Variants in PRMT2 observed in about 807,000 individuals in gnomAD.
The protein encoded by PRMT2 is protein arginine methyltransferase 2, also known as protein arginine N-methyltransferase 2.
In PRMT2, 26 loss-of-function variants were observed where a neutral mutation model predicts 57.6. The ratio of observed to expected loss-of-function variants is 0.45; its 90% CI spans 0.33 to 0.63. The LOEUF (loss-of-function observed/expected upper bound fraction) is 0.63, where lower values mean the gene tolerates loss of function less well. Ranked by LOEUF, PRMT2 falls within the 20% of genes least tolerant of loss-of-function variation. The pLI is 0.02. For synonymous variants in PRMT2, 219 were observed against 220.0 expected (o/e 1.00, Z 0.04); for missense variants, 472 against 564.4 (o/e 0.84, Z 1.66).
At chr21:46,658,450 G>A (rs1328280069) in intron 7 of PRMT2, 6 of 299,814 alleles carry the variant, frequency 2.0e-5, no homozygotes, top group Admixed American at 1.0e-4. Context: ...GAGCTCTTCC[G>A]TGACTGAGAT....
In PRMT2 at chr21:46,663,289, G is replaced by T. The variant is rs912224958; in HGVS notation, c.1098-94G>T. The stretch of plus-strand genomic sequence containing the variant: ...GCCGGCTGTGTGGGTGCTGTTGGGG[G>T]CGAGAGCCAGTGCGAGCCTGAGTCA... On this transcript the variant is annotated intron_variant, in intron 10 of 11. Coordinates refer to ENST00000355680, the MANE Select transcript of PRMT2 (RefSeq NM_206962.4). 1.0e-5 allele frequency: 13 copies of T among 1,291,044 alleles called. No homozygotes were observed. In the African/African-American group the frequency reaches 1.9e-4, roughly 19 times the overall value. 80.0% of individuals were successfully genotyped at this position (1,291,044 alleles called of 1,614,324 possible). A position where few individuals can be genotyped will look rare whatever the true frequency, so the allele number is the denominator to read the frequency against.
chr21:46,647,641 A>C (rs1339351105), intron 5 of PRMT2, among the ~76,000 whole-genome samples: 1 of 152,242 alleles, frequency 6.6e-6, no homozygotes, highest in Non-Finnish European at 1.5e-5. Context: ...CTGGGATTAC[A>C]GGGGTGAGGC....
chr21:46,652,198 ATATT>A (rs2061470161), intron 7 of PRMT2: 4 of 1,386,706 alleles, frequency 2.9e-6, no homozygotes, highest in Non-Finnish European at 3.7e-6. Context: ...CAAGAGTTAA[ATATT>A]TAAGAAAAGG....
Position 46,664,638 on chromosome 21 carries a change from GCTAGGT to G in PRMT2, c.*321_*326del. ...CTGGGTCGGAGCTCCATGTTCCTAA[GCTAGGT>G]CTAGGTCTACACTCCTAGGACGCAC... On this transcript the variant is annotated 3_prime_UTR_variant, in exon 12 of 12. Transcript: ENST00000355680. 1 of 476,206 alleles carries G rather than the reference GCTAGGT, an allele frequency of 2.1e-6. No individual in the cohort carries two copies. The highest frequency in any genetic ancestry group is 3.4e-5 in the Admixed American group (1 of 29,628). 29.5% of individuals were successfully genotyped at this position (476,206 alleles called of 1,614,324 possible). A position where few individuals can be genotyped will look rare whatever the true frequency, so the allele number is the denominator to read the frequency against.
chr21:46,650,088 G>A (rs1033100127), intron 7 of PRMT2, among the ~76,000 whole-genome samples: 11 of 152,140 alleles, frequency 7.2e-5, no homozygotes, highest in African/African-American at 1.9e-4. Context: ...GGGTCTCCTC[G>A]CCTTAGACTG....
At chr21:46,646,347 C>G (rs764527952) in intron 5 of PRMT2, among the ~76,000 whole-genome samples, 6 of 152,174 alleles carry the variant, frequency 3.9e-5, no homozygotes, top group Non-Finnish European at 7.3e-5. Flanking sequence ...TAATGAAAAG[C>G]CAATTCCAGC....
At chr21:46,653,623 G>T in intron 7 of PRMT2, 1 of 1,189,868 alleles carries the variant, frequency 8.4e-7, no homozygotes, top group Non-Finnish European at 1.1e-6. Flanking sequence ...TGATGTTCAT[G>T]TTTTATGCCT....
chr21:46,663,302 C>G, intron 10 of PRMT2, 81 bp from the exon 11 acceptor site: 1 of 1,428,472 alleles, frequency 7.0e-7, no homozygotes, highest in Non-Finnish European at 9.6e-7. Flanking sequence ...AGAGCCAGTG[C>G]GAGCCTGAGT....
rs2148956802 is a variant in PRMT2, at chr21:46,636,968, A to G, written c.17A>G (p.Asp6Gly). The G allele has an allele frequency of 2.5e-6, 4 of 1,613,946 alleles. No individual in the cohort carries two copies. The highest frequency in any genetic ancestry group is 2.7e-5 in the African/African-American group (2 of 75,056). Residue 6 changes from aspartate (D) to glycine (G), a missense_variant, in exon 3 of 12, where the codon GAC becomes GGC. Around this residue, in one of 2 missense-constraint regions of PRMT2, gnomAD observed 243 missense variants for 347.2 expected, o/e 0.70. Coordinates refer to ENST00000355680, the MANE Select transcript of PRMT2 (RefSeq NM_206962.4). ...AAGAGAACTATGGCAACATCAGGTG[A>G]CTGTCCCAGAAGTGAATCGCAGGTA... The part of the protein sequence containing the change: MATSG[D>G]CPRSESQGEE...
Position 46,648,695 on chromosome 21 carries a change from G to A in PRMT2, c.489+76G>A. 1 of 1,553,812 alleles carries A rather than the reference G, an allele frequency of 6.4e-7. No individual in the cohort carries two copies. The highest frequency in any genetic ancestry group is 1.2e-5 in the South Asian group (1 of 85,284). ...GTCCGAGGTGGCCTCTGAGTGTGCT[G>A]ACTTGTGACCCTGAGCTGTTGGGGG... On this transcript the variant is annotated intron_variant, in intron 6 of 11. Transcript: ENST00000355680. The surrounding 1 kb of genome is among the most constrained non-coding windows in gnomAD (Gnocchi z 4.8).
rs540414303 is a variant in PRMT2, at chr21:46,659,850, C to T, written c.830+930C>T. The T allele has an allele frequency of 5.1e-6, 5 of 985,334 alleles. No individual in the cohort carries two copies. In the African/African-American group the frequency reaches 8.7e-5, roughly 17 times the overall value. The allele number at this position is 985,334 out of a possible 1,614,324, so 61.0% of individuals were successfully genotyped here. On this transcript the variant is annotated intron_variant, in intron 8 of 11. Coordinates refer to ENST00000355680, the MANE Select transcript of PRMT2 (RefSeq NM_206962.4). Reference sequence around the variant, plus strand: ...TGCTGTGTGTCTGTTAAAAAAGAAACCATAGGTTTTTAGGGATATGTAATG... The same window carrying T: ...TGCTGTGTGTCTGTTAAAAAAGAAATCATAGGTTTTTAGGGATATGTAATG...
In PRMT2 at chr21:46,644,503, A is replaced by AT. The variant is rs2061331788; in HGVS notation, c.327+17dup. 1.9e-6 allele frequency: 3 copies of AT among 1,564,968 alleles called. No individual in the cohort carries two copies. Among genetic ancestry groups the AT allele is most frequent in the Non-Finnish European group, 2.6e-6 (3 of 1,158,054 alleles). Reference sequence around the variant, plus strand: ...ATGGAACTCTGGTATTGCTTTCTAAATTCCCTGTTCAGCTGGCCAGGCGGT... The same window carrying AT: ...ATGGAACTCTGGTATTGCTTTCTAAATTTCCCTGTTCAGCTGGCCAGGCGGT... On this transcript the variant is annotated intron_variant, in intron 5 of 11. Coordinates refer to ENST00000355680, the MANE Select transcript of PRMT2 (RefSeq NM_206962.4).
rs868494589 is a variant in PRMT2 at position 46,640,483 on chromosome 21, C to T, written c.40-3052C>T. ...TTGAGACGGAGTCTCGCTCTGTCGC[C>T]CAGGCTGGAGTGCAGTGATGCGATC... On this transcript the variant is annotated intron_variant, in intron 3 of 11. Coordinates refer to ENST00000355680, the MANE Select transcript of PRMT2 (RefSeq NM_206962.4). 2.7e-5 allele frequency among the ~76,000 whole-genome samples: 4 copies of T among 149,814 alleles called. No homozygotes were observed. The Middle Eastern group carries it at 0.01, about 387-fold the overall frequency.
chr21:46,661,092 T>C (rs1335465500), intron 9 of PRMT2, 130 bp downstream of exon 9: 4 of 906,878 alleles, frequency 4.4e-6, no homozygotes, highest in Non-Finnish European at 6.3e-6. Context: ...TATTTTATTA[T>C]GCAAATAAGT....
At chr21:46,645,083 C>T (rs902916150) in intron 5 of PRMT2, among the ~76,000 whole-genome samples, 2 of 146,264 alleles carry the variant, frequency 1.4e-5, no homozygotes, top group African/African-American at 5.0e-5. Flanking sequence ...AAATATAATT[C>T]GTCTCTACAA....
Position 46,648,385 on chromosome 21 carries a change from C to A in PRMT2, c.328-73C>A. ...CAGGGGTCATCAGCTGTGGCTCTGA[C>A]CCTCCATCTCAGTCCAGACCTCAGC... On this transcript the variant is annotated intron_variant, in intron 5 of 11. Transcript: ENST00000355680. The surrounding 1 kb of genome is among the most constrained non-coding windows in gnomAD (Gnocchi z 4.8). 6.5e-7 allele frequency: 1 copy of A among 1,541,460 alleles called. No individual in the cohort carries two copies. Among genetic ancestry groups the A allele is most frequent in the Admixed American group, 1.7e-5 (1 of 58,112 alleles).
intron 10 of PRMT2, among the ~76,000 whole-genome samples, chr21:46,662,341 G>A (rs1704390665): frequency 6.6e-6 from 1 of 152,232 alleles, no homozygotes. Flanking sequence ...CCAGCACCCT[G>A]GGCATGTGTG....
At chr21:46,636,814 T>G (rs927255595) in intron 2 of PRMT2, 82 bp from the exon 3 acceptor site, 1 of 727,272 alleles carries the variant, frequency 1.4e-6, no homozygotes, top group Non-Finnish European at 2.2e-6. Flanking sequence ...GTAGAGGACA[T>G]CATGCACATT....
chr21:46,658,472 G>A, intron 7 of PRMT2: 1 of 397,600 alleles, frequency 2.5e-6, no homozygotes, highest in African/African-American at 2.1e-5. Flanking sequence ...GGACAAGAGT[G>A]AAGATTTGTC....
Sources: allele counts gnomAD v4.1 joint callset (sites outside exome capture counted in the v4.1 genomes callset), GRCh38; gene constraint gnomAD v4.1.1; regional missense constraint gnomAD v4.1.1; non-coding constraint Gnocchi (gnomAD v3.1); transcripts MANE v1.5; gene names NCBI Gene and HGNC (gene_info 2026-07-23, HGNC 2026-07-21).